The following ENO4 variants were observed in gnomAD, a reference collection of about 807,000 sequenced individuals.
The protein encoded by ENO4 is 2-phospho-D-glycerate hydro-lyase.
ENO4 carries 53 observed loss-of-function variants against 63.2 expected under a neutral mutation model. That is an observed-to-expected ratio of 0.84 (90% CI 0.67 to 1.05). ENO4 has a LOEUF of 1.05. ENO4 is among the 50% of genes least tolerant of loss of function. ENO4 has a pLI of 0.00. For synonymous variants in ENO4, 266 were observed against 283.8 expected (o/e 0.94, Z 0.63); for missense variants, 719 against 772.0 (o/e 0.93, Z 0.81).
chr10:116,899,125 A>G (rs1847628389), intron 10 of ENO4, among the ~76,000 whole-genome samples: 1 of 152,206 alleles, frequency 6.6e-6, no homozygotes, highest in Non-Finnish European at 1.5e-5. Context: ...CATGTGTGTA[A>G]GACACACCAG....
At chr10:116,859,277 A>C in intron 4 of ENO4, 139 bp downstream of exon 4, 1 of 939,686 alleles carries the variant, frequency 1.1e-6, no homozygotes, top group Admixed American at 3.5e-5. Context: ...ATCCTATGCC[A>C]CATCCTCACT....
chr10:116,898,440 C>T (rs568693221), intron 10 of ENO4, among the ~76,000 whole-genome samples: 1 of 152,128 alleles, frequency 6.6e-6, no homozygotes, highest in East Asian at 1.9e-4. Flanking sequence ...CAGATTTAAT[C>T]TTAATCAACA....
chr10:116,863,005 G>T, intron 7 of ENO4, 153 bp downstream of exon 7: 1 of 624,316 alleles, frequency 1.6e-6, no homozygotes, highest in Non-Finnish European at 2.8e-6. Context: ...GTGTATCCAT[G>T]TCCTCAGTGG....
Position 116,911,143 on chromosome 10 carries a change from G to A in ENO4, c.1195-356G>A, listed in dbSNP as rs1286243397. On this transcript the variant is annotated intron_variant, in intron 10 of 10. Coordinates refer to the ENO4 transcript ENST00000369207. ...GTATCTGAAACATTTTCTAAGTGAG[G>A]CATCTGTCTCTAACAGCAACTGCTG... 2.6e-5 allele frequency among the ~76,000 whole-genome samples: 4 copies of A among 152,170 alleles called. No individual in the cohort carries two copies. The East Asian group carries it at 7.7e-4, about 29-fold the overall frequency.
intron 10 of ENO4, among the ~76,000 whole-genome samples, chr10:116,889,599 G>T (rs1411866747): frequency 6.6e-6 from 1 of 152,134 alleles, no homozygotes; most frequent in Non-Finnish European, 1.5e-5. Context: ...AGAGGGGAAG[G>T]AACTGGCCCG....
At chr10:116,911,568 T>C (rs1848197440) in exon 11 of ENO4, 14 of 1,550,776 alleles carry the variant, frequency 9.0e-6, no homozygotes, top group Middle Eastern at 1.7e-4. Context: ...TTGGTGAAAG[T>C]GTAACCACTC....
At position 116,860,904 on chromosome 10, in the gene ENO4, T is replaced by C; in HGVS notation, c.745T>C (p.Cys249Arg). Residue 249 changes from cysteine (C) to arginine (R), a missense_variant, in exon 5 of 14, where the codon TGT becomes CGT. Around this residue, in one of 3 missense-constraint regions of ENO4, gnomAD observed 544 missense variants for 583.6 expected, o/e 0.93. Coordinates refer to ENST00000341276, the MANE Select transcript of ENO4 (RefSeq NM_001242699.2). Reference protein sequence around the residue: ...GAVSLAVAKACAMLLNKPLYL... With the variant: ...GAVSLAVAKARAMLLNKPLYL... ...CGTGTCACTAGCTGTTGCCAAAGCC[T>C]GTGCCATGCTGCTTAATAAACCTCT... 1 of 1,549,532 alleles carries C rather than the reference T, an allele frequency of 6.5e-7. No homozygotes were observed. Among genetic ancestry groups the C allele is most frequent in the Non-Finnish European group, 8.7e-7 (1 of 1,146,144 alleles).
At chr10:116,876,734 A>C (rs542856744) in intron 11 of ENO4, among the ~76,000 whole-genome samples, 8 of 152,068 alleles carry the variant, frequency 5.3e-5, no homozygotes, top group Non-Finnish European at 1.2e-4. Context: ...GCGGATCACG[A>C]GGTCAGGAGA....
chr10:116,908,406 T>A (rs1848057334), intron 10 of ENO4, among the ~76,000 whole-genome samples: 1 of 152,040 alleles, frequency 6.6e-6, no homozygotes, highest in South Asian at 2.1e-4. Context: ...TGTAGAAGAG[T>A]CACACCATAA....
chr10:116,886,801 T>G (rs1355043523), downstream of ENO4, among the ~76,000 whole-genome samples: 1 of 152,218 alleles, frequency 6.6e-6, no homozygotes, highest in Non-Finnish European at 1.5e-5. Context: ...AGCGATTAAC[T>G]ACAGAAGTGT....
intron 10 of ENO4, among the ~76,000 whole-genome samples, chr10:116,892,157 T>C (rs1847359458): frequency 6.6e-6 from 1 of 152,196 alleles, no homozygotes; most frequent in African/African-American, 2.4e-5. Context: ...GGCATCCCAG[T>C]ACACGGCTTA....
At position 116,911,497 on chromosome 10, in the gene ENO4, A is replaced by G. The variant is rs1233754517; in HGVS notation, c.1195-2A>G. On this transcript the variant is annotated splice_acceptor_variant, in intron 10 of 10. Transcript: ENST00000369207. LOFTEE classifies it high-confidence loss of function. ...CATGTACGGACCCTTACATATGGCC[A>G]GCCACTTCATCTTCAAGCTGTGATG... 1 of 1,550,412 alleles carries G rather than the reference A, an allele frequency of 6.4e-7. No individual in the cohort carries two copies. The highest frequency in any genetic ancestry group is 8.7e-7 in the Non-Finnish European group (1 of 1,146,984).
chr10:116,873,869 T>G (rs1003474212), intron 9 of ENO4: 20 of 985,002 alleles, frequency 2.0e-5, no homozygotes, highest in Non-Finnish European at 2.4e-5. Flanking sequence ...CTAGAGGGCA[T>G]CAAAAGGAAT....
At chr10:116,851,087 A>G (rs1180158561) in intron 1 of ENO4, among the ~76,000 whole-genome samples, 1 of 152,232 alleles carries the variant, frequency 6.6e-6, no homozygotes, top group Admixed American at 6.5e-5. Flanking sequence ...ACAGCTACTT[A>G]GTGTACAAGC....
intron 1 of ENO4, among the ~76,000 whole-genome samples, chr10:116,852,474 A>G (rs909960914): frequency 2.0e-5 from 3 of 152,186 alleles, no homozygotes; most frequent in Non-Finnish European, 4.4e-5. Flanking sequence ...CCTCACTGTG[A>G]TAGAGTTACA....
chr10:116,858,424 T>C (rs1846328188), intron 3 of ENO4, among the ~76,000 whole-genome samples: 1 of 152,188 alleles, frequency 6.6e-6, no homozygotes, highest in Non-Finnish European at 1.5e-5. Flanking sequence ...ATACATCTGA[T>C]ACAAATCTGA....
intron 2 of ENO4, 58 bp from the exon 3 acceptor site, chr10:116,856,434 A>C (rs993634943): frequency 7.2e-7 from 1 of 1,379,990 alleles, no homozygotes; most frequent in African/African-American, 1.4e-5. Flanking sequence ...GGATTCATTT[A>C]ATTTCCTCTT....
At position 116,856,463 on chromosome 10, in the gene ENO4, A is replaced by T. The variant is rs968914490; in HGVS notation, c.295-29A>T. 2.6e-6 allele frequency: 4 copies of T among 1,516,434 alleles called. No individual in the cohort carries two copies. In the East Asian group the frequency reaches 9.9e-5, roughly 37 times the overall value. 93.9% of individuals were successfully genotyped at this position (1,516,434 alleles called of 1,614,324 possible). ...TCCTCTTTCTGGGAGAGGTAGGGAA[A>T]GTGTTGAACACATTTATATGATTTT... is the stretch of plus-strand genomic sequence containing the variant. On this transcript the variant is annotated intron_variant, in intron 2 of 13. Transcript: ENST00000341276.
chr10:116,880,048 GA>G (rs1846960587), intron 13 of ENO4, 62 bp downstream of exon 13: 16 of 1,311,342 alleles, frequency 1.2e-5, no homozygotes, highest in Non-Finnish European at 1.4e-5. Flanking sequence ...AAGATTGGAA[GA>G]GGGGGAATAG....
Sources: allele counts gnomAD v4.1 joint callset (sites outside exome capture counted in the v4.1 genomes callset), GRCh38; gene constraint gnomAD v4.1.1; regional missense constraint gnomAD v4.1.1; transcripts MANE v1.5; gene names NCBI Gene and HGNC (gene_info 2026-07-23, HGNC 2026-07-21).